The following AHCTF1 variants were observed in gnomAD, a reference collection of about 807,000 sequenced individuals.
The protein encoded by AHCTF1 is AT-hook containing transcription factor 1.
Under a neutral mutation model 248.4 loss-of-function variants are expected in AHCTF1, and 24 were observed. The observed-to-expected ratio is 0.10, with a 90% CI of 0.07 to 0.14. The LOEUF (loss-of-function observed/expected upper bound fraction) is 0.14. Ranked by LOEUF, AHCTF1 falls within the 10% of genes least tolerant of loss-of-function variation. The pLI is 1.00. For synonymous variants in AHCTF1, 786 were observed against 929.8 expected, an observed-to-expected ratio of 0.85 and a Z score of 2.81; for missense variants, 2,206 against 2,636.2, an observed-to-expected ratio of 0.84 and a Z score of 3.57.
chr1:246,850,400 T>C lies in AHCTF1; in HGVS notation c.5606A>G (p.Lys1869Arg). Residue 1869 changes from lysine (K) to arginine (R), a missense_variant, in exon 33 of 36, where the codon AAA becomes AGA. By Grantham distance (26) the Lys-to-Arg change is conservative (BLOSUM62 2). Around this residue, in one of 6 missense-constraint regions of AHCTF1, gnomAD observed 469 missense variants for 470.0 expected, o/e 1.00. Transcript: ENST00000648844. ...KKEVKVSSVTKRTPRRIKRSV... is the reference protein window; with the variant it reads ...KKEVKVSSVTRRTPRRIKRSV... The stretch of plus-strand genomic sequence containing the variant: ...TCTTTTAATTCTTCTAGGAGTCCTT[T>C]TTGTAACAGATGAAACCTTAACTTC... The C allele has an allele frequency of 6.2e-7, 1 of 1,607,020 alleles. No individual in the cohort carries two copies. The highest frequency in any genetic ancestry group is 8.5e-7 in the Non-Finnish European group (1 of 1,178,038).
At chr1:246,922,845 T>A (rs1030706659) in intron 1 of AHCTF1, among the ~76,000 whole-genome samples, 1 of 150,102 alleles carries the variant, frequency 6.7e-6, no homozygotes, top group South Asian at 2.1e-4. Context: ...TAGCCGGGCG[T>A]GGTGGCAGGC....
intron 29 of AHCTF1, among the ~76,000 whole-genome samples, chr1:246,859,233 T>TAAGTA (rs534319392): frequency 1.5e-3 from 226 of 152,378 alleles, no homozygotes; most frequent in Non-Finnish European, 2.4e-3. Flanking sequence ...GATTTTTATG[T>TAAGTA]AAGTATGTAG....
intron 6 of AHCTF1, among the ~76,000 whole-genome samples, chr1:246,904,529 T>A (rs983270555): frequency 3.3e-5 from 5 of 152,172 alleles, no homozygotes; most frequent in Non-Finnish European, 7.3e-5. Flanking sequence ...TTGCTATTTT[T>A]ACTTAAAATG....
intron 29 of AHCTF1, 151 bp from the exon 30 acceptor site, chr1:246,857,965 T>TTCTTC (rs143410016): frequency 4.5e-6 from 2 of 442,306 alleles, no homozygotes; most frequent in Non-Finnish European, 6.7e-6. Context: ...CACTTTCTTC[T>TTCTTC]TTTTTTTTTT....
intron 8 of AHCTF1, among the ~76,000 whole-genome samples, chr1:246,901,606 T>C (rs1665003787): frequency 6.6e-6 from 1 of 151,526 alleles, no homozygotes; most frequent in Non-Finnish European, 1.5e-5. Context: ...AGAGCGAGAC[T>C]CCATCTCAAA....
intron 25 of AHCTF1, 50 bp from the exon 26 acceptor site, chr1:246,867,401 A>G: frequency 8.0e-7 from 1 of 1,246,488 alleles, no homozygotes; most frequent in South Asian, 1.4e-5. Context: ...AGCACTGATA[A>G]CAAGTGGATG....
chr1:246,851,486 CAT>C, intron 32 of AHCTF1, 44 bp from the exon 33 acceptor site: 5 of 1,514,650 alleles, frequency 3.3e-6, no homozygotes, highest in Admixed American at 2.3e-5. Context: ...AATTTTAATA[CAT>C]GTTTTAACTT....
At chr1:246,886,326 A>G (rs1663816587) in intron 20 of AHCTF1, among the ~76,000 whole-genome samples, 1 of 152,136 alleles carries the variant, frequency 6.6e-6, no homozygotes, top group Non-Finnish European at 1.5e-5. Context: ...GCGAGACTCC[A>G]TCTCAAAATA....
At chr1:246,852,514 A>G (rs1427429601) in intron 32 of AHCTF1, among the ~76,000 whole-genome samples, 1 of 152,136 alleles carries the variant, frequency 6.6e-6, no homozygotes, top group Non-Finnish European at 1.5e-5. Flanking sequence ...AAGTCTTATT[A>G]AGTAGCAAAA....
intron 1 of AHCTF1, among the ~76,000 whole-genome samples, chr1:246,925,797 T>C (rs1666882485): frequency 6.6e-6 from 1 of 151,990 alleles, no homozygotes; most frequent in Non-Finnish European, 1.5e-5. Context: ...TCTGGCTGTT[T>C]AAAGCCAGGC....
intron 33 of AHCTF1, among the ~76,000 whole-genome samples, chr1:246,847,884 T>C (rs961980445): frequency 3.9e-5 from 6 of 152,306 alleles, no homozygotes; most frequent in Admixed American, 2.6e-4. Context: ...GTATAAGTTA[T>C]GTGAATGACT....
intron 27 of AHCTF1, among the ~76,000 whole-genome samples, chr1:246,862,798 GA>G (rs921688741): frequency 1.5e-4 from 23 of 152,080 alleles, no homozygotes; most frequent in South Asian, 4.1e-4. Flanking sequence ...TAGTGTTTCA[GA>G]AAAAAAATTT....
intron 29 of AHCTF1, among the ~76,000 whole-genome samples, chr1:246,859,472 T>C (rs1168497190): frequency 4.6e-5 from 7 of 152,200 alleles, no homozygotes; most frequent in Non-Finnish European, 8.8e-5. Context: ...CATTTCTACT[T>C]GACTCACTGT....
At chr1:246,894,987 A>C (rs1475981164) in intron 13 of AHCTF1, among the ~76,000 whole-genome samples, 1 of 152,094 alleles carries the variant, frequency 6.6e-6, no homozygotes, top group African/African-American at 2.4e-5. Context: ...GACGGCAAGC[A>C]CAAACTAAAA....
At position 246,850,446 on chromosome 1, in the gene AHCTF1, C is replaced by G; in HGVS notation, c.5560G>C (p.Val1854Leu). 3 of 1,592,080 alleles carry G rather than the reference C, an allele frequency of 1.9e-6. No homozygotes were observed. Among genetic ancestry groups the G allele is most frequent in the Non-Finnish European group, 2.6e-6 (3 of 1,172,462 alleles). ...ACTTCTTTTTTAGTAGTTTCTTCAA[C>G]TGCTGGTTCCAACAGCTGAGATGAT... ...LKSSQLLEPA[V>L]EETTKKEVKV... The change falls in exon 33 of 36, where the codon GTT becomes CTT. Residue 1854 changes from valine to leucine, a missense_variant. Around this residue, in one of 6 missense-constraint regions of AHCTF1, gnomAD observed 29 missense variants for 57.1 expected, o/e 0.51. Coordinates refer to ENST00000648844, the MANE Select transcript of AHCTF1 (RefSeq NM_001323342.2).
chr1:246,921,869 C>T (rs1477361692), intron 1 of AHCTF1, among the ~76,000 whole-genome samples: 1 of 152,074 alleles, frequency 6.6e-6, no homozygotes, highest in East Asian at 1.9e-4. Context: ...GAATAGAGAT[C>T]AGATAGAAGG....
At chr1:246,868,976 CTGGGACTACAGG>C (rs1479668922) in intron 24 of AHCTF1, among the ~76,000 whole-genome samples, 5 of 142,900 alleles carry the variant, frequency 3.5e-5, no homozygotes, top group Non-Finnish European at 4.6e-5. Context: ...TGCTGAGTAG[CTGGGACTACAGG>C]CGCCCGCCAC....
chr1:246,856,329 C>A (rs1001244258), intron 30 of AHCTF1, among the ~76,000 whole-genome samples: 1 of 152,174 alleles, frequency 6.6e-6, no homozygotes, highest in African/African-American at 2.4e-5. Flanking sequence ...CTTTAATATT[C>A]TAATCTGACC....
intron 24 of AHCTF1, among the ~76,000 whole-genome samples, chr1:246,873,509 A>G (rs1662741552): frequency 6.6e-6 from 1 of 152,132 alleles, no homozygotes; most frequent in African/African-American, 2.4e-5. Context: ...TACACTAGTC[A>G]ATTTCTCCTG....
Sources: allele counts gnomAD v4.1 joint callset (sites outside exome capture counted in the v4.1 genomes callset), GRCh38; gene constraint gnomAD v4.1.1; regional missense constraint gnomAD v4.1.1; transcripts MANE v1.5; gene names NCBI Gene and HGNC (gene_info 2026-07-23, HGNC 2026-07-21).